DROSHA: variants seen among roughly 807,000 people sequenced by gnomAD.
DROSHA encodes the protein drosha ribonuclease III, also known as ribonuclease 3.
A neutral mutation model predicts 181.9 loss-of-function variants in DROSHA; 56 were observed. That is an observed-to-expected ratio of 0.31 (90% confidence interval 0.25 to 0.38). The LOEUF (loss-of-function observed/expected upper bound fraction) is 0.38. DROSHA is among the 10% of genes least tolerant of loss of function. DROSHA has a pLI of 1.00. For missense variants in DROSHA, 1,218 were observed against 1,743.5 expected (o/e 0.70, Z 5.37); for synonymous variants, 524 against 591.2 (o/e 0.89, Z 1.65).
intron 30 of DROSHA, among the ~76,000 whole-genome samples, 160 bp downstream of exon 30, chr5:31,421,112 T>C (rs1478741948): frequency 6.6e-6 from 1 of 152,262 alleles, no homozygotes; most frequent in Non-Finnish European, 1.5e-5. Flanking sequence ...TCATTGCATA[T>C]GTGCTTTGTA....
At chr5:31,464,190 A>C (rs767184448) in intron 20 of DROSHA, 46 bp downstream of exon 20, 4 of 1,560,168 alleles carry the variant, frequency 2.6e-6, no homozygotes, top group Non-Finnish European at 3.5e-6. Context: ...TTTGTTTTAA[A>C]GGAAGAAAAG....
At chr5:31,475,496 G>A (rs1351183514) in intron 16 of DROSHA, among the ~76,000 whole-genome samples, 1 of 152,136 alleles carries the variant, frequency 6.6e-6, no homozygotes, top group Non-Finnish European at 1.5e-5. Context: ...ACAGGTGGAT[G>A]AGAAAATTCT....
At chr5:31,519,511 G>GTACACACAAATACCA (rs1739637209) in intron 6 of DROSHA, among the ~76,000 whole-genome samples, 1 of 151,990 alleles carries the variant, frequency 6.6e-6, no homozygotes. Flanking sequence ...ACAATACCCG[G>GTACACACAAATACCA]GACACACAAA....
chr5:31,529,226 C>T (rs966606482), intron 3 of DROSHA, 121 bp from the exon 4 acceptor site: 32 of 789,748 alleles, frequency 4.1e-5, no homozygotes, highest in Admixed American at 3.7e-4. Flanking sequence ...AGCCTACAAA[C>T]AAAATTAAAA....
At chr5:31,427,750 G>C (rs977527704) in intron 27 of DROSHA, among the ~76,000 whole-genome samples, 2 of 152,190 alleles carry the variant, frequency 1.3e-5, no homozygotes, top group African/African-American at 2.4e-5. Context: ...CTACAGGTTT[G>C]TCCCTGGCTG....
At chr5:31,501,884 C>T (rs1260171598) in intron 11 of DROSHA, among the ~76,000 whole-genome samples, 3 of 152,192 alleles carry the variant, frequency 2.0e-5, no homozygotes, top group African/African-American at 7.2e-5. Flanking sequence ...TGCTCCATTA[C>T]ACCTCTGACA....
Position 31,526,457 on chromosome 5 carries a change from AC to A in DROSHA, c.475del (p.Val159SerfsTer67). On this transcript the variant is annotated frameshift_variant, in exon 5 of 36. Transcript: ENST00000344624. LOFTEE classifies it high-confidence loss of function. ...PSMPHPPPPP[V>X]MPQQVNYQYP... ...CTGATAATTAACCTGCTGCGGCATG[AC>A]TGGAGGGGGCGGGGGATGAGGCATG... 6.5e-7 allele frequency: 1 copy of A among 1,543,676 alleles called. No individual in the cohort carries two copies. The highest frequency in any genetic ancestry group is 8.9e-7 in the Non-Finnish European group (1 of 1,125,494).
intron 3 of DROSHA, among the ~76,000 whole-genome samples, chr5:31,529,766 A>G (rs182352217): frequency 6.6e-6 from 1 of 151,490 alleles, no homozygotes; most frequent in East Asian, 1.9e-4. Flanking sequence ...AAAACAAACC[A>G]TGTAGGCATA....
intron 18 of DROSHA, 62 bp downstream of exon 18, chr5:31,467,877 T>C: frequency 1.9e-6 from 3 of 1,582,900 alleles, no homozygotes; most frequent in Non-Finnish European, 2.6e-6. Context: ...GGTATTTCTC[T>C]GCTAATTTGG....
At chr5:31,444,299 T>C (rs1745996240) in intron 23 of DROSHA, among the ~76,000 whole-genome samples, 1 of 152,116 alleles carries the variant, frequency 6.6e-6, no homozygotes, top group South Asian at 2.1e-4. Context: ...GGGTCAACTC[T>C]GCATCAGCAA....
intron 30 of DROSHA, among the ~76,000 whole-genome samples, chr5:31,417,613 A>C (rs1742106647): frequency 6.6e-6 from 1 of 152,196 alleles, no homozygotes; most frequent in Non-Finnish European, 1.5e-5. Flanking sequence ...CAAAGACACA[A>C]ATTAGGAAGT....
chr5:31,467,208 C>T (rs990858830), intron 18 of DROSHA: 1 of 151,614 alleles, frequency 6.6e-6, no homozygotes, highest in African/African-American at 2.4e-5. Context: ...AACCCTTTAG[C>T]CTCTTCTAAT....
intron 16 of DROSHA, among the ~76,000 whole-genome samples, chr5:31,472,718 T>A (rs1487360259): frequency 6.6e-6 from 1 of 152,188 alleles, no homozygotes; most frequent in African/African-American, 2.4e-5. Context: ...TGCATTATGG[T>A]CTAATTTTTT....
intron 21 of DROSHA, 112 bp downstream of exon 21, chr5:31,451,421 T>C: frequency 1.1e-6 from 1 of 900,422 alleles, no homozygotes; most frequent in Non-Finnish European, 1.7e-6. Flanking sequence ...ACTATGTTTC[T>C]AACAATCCTT....
chr5:31,417,936 G>A (rs1158927764), intron 30 of DROSHA, among the ~76,000 whole-genome samples: 1 of 152,116 alleles, frequency 6.6e-6, no homozygotes, highest in East Asian at 1.9e-4. Flanking sequence ...CTTCACAAAG[G>A]CCTGAGATCT....
chr5:31,448,496 T>G, intron 23 of DROSHA, 51 bp downstream of exon 23: 2 of 1,465,246 alleles, frequency 1.4e-6, no homozygotes, highest in Non-Finnish European at 1.9e-6. Flanking sequence ...GTAAACTGTA[T>G]AGTACGTGAA....
chr5:31,423,627 GCAA>G (rs1237130852), intron 28 of DROSHA, among the ~76,000 whole-genome samples: 1 of 152,156 alleles, frequency 6.6e-6, no homozygotes, highest in Non-Finnish European at 1.5e-5. Flanking sequence ...ATGAACATTT[GCAA>G]CAACTTTGGG....
chr5:31,525,098 A>T (rs774348055), intron 5 of DROSHA, among the ~76,000 whole-genome samples: 5 of 151,992 alleles, frequency 3.3e-5, no homozygotes, highest in African/African-American at 4.8e-5. Flanking sequence ...TGGGAGGCCG[A>T]GGGGGGCTGA....
chr5:31,433,276 G>A (rs1026624525), intron 25 of DROSHA, among the ~76,000 whole-genome samples: 9 of 152,078 alleles, frequency 5.9e-5, no homozygotes, highest in South Asian at 2.1e-4. Context: ...TTTGACTACC[G>A]CAAATGCAAT....
Sources: gnomAD v4.1 joint callset for allele counts (sites outside exome capture counted in the v4.1 genomes callset) on GRCh38, gnomAD v4.1.1 for gene constraint, MANE v1.5 for transcripts, NCBI Gene and HGNC (gene_info 2026-07-23, HGNC 2026-07-21) for gene names.